IKBKB: variants seen among roughly 807,000 people sequenced by gnomAD.
The protein encoded by IKBKB is inhibitor of nuclear factor kappa-B kinase subunit beta.
IKBKB carries 42 observed loss-of-function variants against 113.6 expected under a neutral mutation model. The ratio of observed to expected loss-of-function variants is 0.37; its 90% confidence interval spans 0.29 to 0.48. The LOEUF is 0.48. Among genes scored for constraint, IKBKB ranks in the 20% least tolerant of loss-of-function variants. The pLI is 0.99. For missense variants in IKBKB, 673 were observed against 939.7 expected (o/e 0.72, Z 3.71); for synonymous variants, 296 against 361.3 (o/e 0.82, Z 2.05).
chr8:42,316,133 G>T lies in IKBKB; in HGVS notation c.801-77G>T. 6.5e-7 allele frequency: 1 copy of T among 1,528,008 alleles called. No homozygotes were observed. The highest frequency in any genetic ancestry group is 1.8e-5 in the Admixed American group (1 of 55,718). The allele number at this position is 1,528,008 out of a possible 1,614,324, so 94.7% of individuals were successfully genotyped here. A position where few individuals can be genotyped will look rare whatever the true frequency, so the allele number is the denominator to read the frequency against. On this transcript the variant is annotated intron_variant, in intron 9 of 21. Transcript: ENST00000520810. This position sits in a 1 kb window ranked among gnomAD's most constrained non-coding sequence, Gnocchi z 4.5. ...TCACCGTCTACTGGCTGCCGTCTGT[G>T]TGTATACTGGGAGACGCACACTGTA... is the stretch of plus-strand genomic sequence containing the variant.
At chr8:42,306,821 T>A in intron 7 of IKBKB, among the ~76,000 whole-genome samples, 1 of 152,234 alleles carries the variant, frequency 6.6e-6, no homozygotes, top group Non-Finnish European at 1.5e-5. Flanking sequence ...GGCCACACTT[T>A]CCATGAGGTA....
chr8:42,274,029 A>G (rs947087424), intron 2 of IKBKB, among the ~76,000 whole-genome samples: 24 of 152,026 alleles, frequency 1.6e-4, no homozygotes, highest in Non-Finnish European at 3.1e-4. Flanking sequence ...TTTGAAATAT[A>G]CAATATTTTT....
At chr8:42,330,385 T>C (rs1376562996) in intron 21 of IKBKB, 1 of 877,534 alleles carries the variant, frequency 1.1e-6, no homozygotes, top group Non-Finnish European at 1.4e-6. Context: ...TGGGTCTTGC[T>C]ATGTTGCCCA....
chr8:42,271,353 TAA>T lies in IKBKB; in HGVS notation c.-134_-133del. The T allele has an allele frequency of 1.4e-6, 2 of 1,401,114 alleles. No individual in the cohort carries two copies. The highest frequency in any genetic ancestry group is 2.0e-6 in the Non-Finnish European group (2 of 1,024,536). The allele number at this position is 1,401,114 out of a possible 1,614,324, so 86.8% of individuals were successfully genotyped here. On this transcript the variant is annotated 5_prime_UTR_variant, in exon 1 of 22. Transcript: ENST00000520810. Reference sequence around the variant, plus strand: ...GGAAGTCGCGCCGCGCTGCCCGCGTTAAGATTCCCGCATTTTAATGTTTTCAG... The same window carrying T: ...GGAAGTCGCGCCGCGCTGCCCGCGTTGATTCCCGCATTTTAATGTTTTCAG...
chr8:42,321,791 G>A (rs1286998647), intron 16 of IKBKB, 105 bp from the exon 17 acceptor site: 17 of 768,196 alleles, frequency 2.2e-5, no homozygotes, highest in South Asian at 3.8e-5. Context: ...CCAGAAGTTC[G>A]AGACCAGCCT....
chr8:42,278,806 C>T (rs1385071136), intron 2 of IKBKB, among the ~76,000 whole-genome samples: 2 of 152,072 alleles, frequency 1.3e-5, no homozygotes, highest in African/African-American at 2.4e-5. Flanking sequence ...ACCAGCCTGA[C>T]CAACGTGGAG....
rs552179664 is a variant in IKBKB at position 42,281,515 on chromosome 8, C to T, written c.106-7119C>T. 5.9e-5 allele frequency among the ~76,000 whole-genome samples: 9 copies of T among 152,236 alleles called. No individual in the cohort carries two copies. In the South Asian group the frequency reaches 1.2e-3, roughly 21 times the overall value. ...GAGTGCCTGGCTTCTGTGGGTGAGGCGGCAGGCCACTGTGCCCCTTGGGGG... is the reference window on the plus strand; with the variant it reads ...GAGTGCCTGGCTTCTGTGGGTGAGGTGGCAGGCCACTGTGCCCCTTGGGGG... On this transcript the variant is annotated intron_variant, in intron 2 of 21. Transcript: ENST00000520810.
At position 42,316,055 on chromosome 8, in the gene IKBKB, T is replaced by A. The variant is rs1041227525; in HGVS notation, c.801-155T>A. ...CAGGAGAGAGGTGTGAACACCTGAA[T>A]AATTGATTGGAAATGTTTATACTGT... On this transcript the variant is annotated intron_variant, in intron 9 of 21. Transcript: ENST00000520810. The surrounding 1 kb of genome is among the most constrained non-coding windows in gnomAD (Gnocchi z 4.5). Among the ~76,000 whole-genome samples the A allele has an allele frequency of 6.6e-6, 1 of 152,234 alleles. No individual in the cohort carries two copies. Among genetic ancestry groups the A allele is most frequent in the African/African-American group, 2.4e-5 (1 of 41,458 alleles).
In IKBKB at chr8:42,283,248, A is replaced by G. The variant is rs140110071; in HGVS notation, c.106-5386A>G. ...CTTAATAAACTAAGTCATCTAATCT[A>G]TTTTTTGGATCTGATGATCTGTCCT... is the stretch of plus-strand genomic sequence containing the variant. On this transcript the variant is annotated intron_variant, in intron 2 of 21. Transcript: ENST00000520810. Among the ~76,000 whole-genome samples, 720 of 152,246 alleles carry G rather than the reference A, an allele frequency of 4.7e-3. 5 individuals carry two copies. The highest frequency in any genetic ancestry group is 0.017 in the African/African-American group (697 of 41,546).
rs1245744436 is a variant in IKBKB at position 42,330,991 on chromosome 8, T to C, written c.*12T>C. 3.7e-6 allele frequency: 6 copies of C among 1,613,498 alleles called. No homozygotes were observed. In the African/African-American group the frequency reaches 8.0e-5, roughly 22 times the overall value. On this transcript the variant is annotated 3_prime_UTR_variant, in exon 22 of 22. Transcript: ENST00000520810. Reference sequence around the variant, plus strand: ...AGCAGGCCTCATGATGTGGGGGGACTCGACCCCCTGACATGGGGCAGCCCA... The same window carrying C: ...AGCAGGCCTCATGATGTGGGGGGACCCGACCCCCTGACATGGGGCAGCCCA...
intron 20 of IKBKB, among the ~76,000 whole-genome samples, chr8:42,326,907 G>C (rs1235307198): frequency 6.6e-6 from 1 of 152,142 alleles, no homozygotes; most frequent in African/African-American, 2.4e-5. Context: ...GGCTCTATGG[G>C]TTCCTGCAGG....
intron 2 of IKBKB, among the ~76,000 whole-genome samples, chr8:42,280,698 A>G (rs1230591590): frequency 6.6e-6 from 1 of 152,158 alleles, no homozygotes; most frequent in Non-Finnish European, 1.5e-5. Context: ...TTCTGTGTAC[A>G]CTTGGCTGTG....
intron 21 of IKBKB, chr8:42,329,939 T>C (rs1821468162): frequency 4.1e-6 from 4 of 985,354 alleles, no homozygotes; most frequent in Non-Finnish European, 4.8e-6. Context: ...TTACAAGGGA[T>C]ACCACTGTGA....
At chr8:42,293,613 G>A (rs1209859464) in intron 5 of IKBKB, 101 bp downstream of exon 5, 2 of 1,599,470 alleles carry the variant, frequency 1.3e-6, no homozygotes, top group Non-Finnish European at 1.7e-6. Context: ...CAATCCTTTG[G>A]TCTCTGTGGA....
intron 7 of IKBKB, among the ~76,000 whole-genome samples, chr8:42,308,018 A>C (rs78063748): frequency 1.6e-4 from 24 of 152,266 alleles, no homozygotes; most frequent in Admixed American, 6.5e-4. Flanking sequence ...CGGTCACCCC[A>C]GCGCTCTCTG....
At chr8:42,302,948 C>T (rs1815575879) in intron 5 of IKBKB, among the ~76,000 whole-genome samples, 1 of 152,052 alleles carries the variant, frequency 6.6e-6, no homozygotes, top group African/African-American at 2.4e-5. Context: ...TTTGCTTACT[C>T]AGTTTCTGTG....
At chr8:42,308,319 A>G (rs1303813861) in intron 7 of IKBKB, among the ~76,000 whole-genome samples, 1 of 129,818 alleles carries the variant, frequency 7.7e-6, no homozygotes, top group African/African-American at 3.1e-5. Flanking sequence ...TTTTTTTTAG[A>G]CAGAGTCTCA....
chr8:42,290,891 C>T (rs924247159), intron 4 of IKBKB, among the ~76,000 whole-genome samples: 2 of 152,234 alleles, frequency 1.3e-5, no homozygotes, highest in African/African-American at 4.8e-5. Flanking sequence ...ATGGCAGCCC[C>T]TCCTGGTCTC....
At chr8:42,323,736 C>T (rs565977133) in intron 19 of IKBKB, among the ~76,000 whole-genome samples, 2 of 152,250 alleles carry the variant, frequency 1.3e-5, no homozygotes, top group South Asian at 4.1e-4. Context: ...ATTGACACAT[C>T]CTCCTGTAAG....
Sources: gnomAD v4.1 joint callset for allele counts (sites outside exome capture counted in the v4.1 genomes callset) on GRCh38, gnomAD v4.1.1 for gene constraint, Gnocchi (gnomAD v3.1) non-coding constraint, MANE v1.5 for transcripts, NCBI Gene and HGNC (gene_info 2026-07-23, HGNC 2026-07-21) for gene names.